The following TAFA2 variants were observed in gnomAD, a reference collection of about 807,000 sequenced individuals.
TAFA2 encodes TAFA chemokine like family member 2, also known as chemokine-like protein TAFA-2.
A neutral mutation model predicts 18.8 loss-of-function variants in TAFA2; 7 were observed. That is an observed-to-expected ratio of 0.37 (90% CI 0.21 to 0.70). TAFA2 has a LOEUF of 0.70. Ranked by LOEUF, TAFA2 falls within the 30% of genes least tolerant of loss-of-function variation. The pLI is 0.53. For synonymous variants in TAFA2, 60 were observed against 54.2 expected (o/e 1.11, Z -0.47); for missense variants, 122 against 158.1 (o/e 0.77, Z 1.23).
intron 1 of TAFA2, among the ~76,000 whole-genome samples, chr12:62,105,893 C>G (rs1490764603): frequency 1.3e-5 from 2 of 152,136 alleles, no homozygotes; most frequent in East Asian, 3.9e-4. Flanking sequence ...AATCATCCAG[C>G]GTCTGCTGCC....
chr12:62,026,283 A>G (rs1353395800), intron 1 of TAFA2, among the ~76,000 whole-genome samples: 2 of 152,186 alleles, frequency 1.3e-5, no homozygotes, highest in African/African-American at 4.8e-5. Flanking sequence ...ATAGATATCC[A>G]GTCAGAGTCA....
chr12:61,715,053 A>C (rs985118744), intron 4 of TAFA2, among the ~76,000 whole-genome samples: 3 of 152,208 alleles, frequency 2.0e-5, no homozygotes, highest in Admixed American at 6.5e-5. Context: ...TAATCCAGAC[A>C]AAGTGCTTGT....
chr12:61,736,223 A>G (rs1434056584), intron 4 of TAFA2, among the ~76,000 whole-genome samples: 1 of 152,018 alleles, frequency 6.6e-6, no homozygotes, highest in East Asian at 1.9e-4. Context: ...CCAAGAGCCG[A>G]CTAATCTCTG....
At chr12:62,241,011 T>C (rs979057260) in intron 1 of TAFA2, among the ~76,000 whole-genome samples, 2 of 152,178 alleles carry the variant, frequency 1.3e-5, no homozygotes, top group African/African-American at 2.4e-5. Flanking sequence ...AGGAAACCAG[T>C]CCCTGGTGCC....
At chr12:61,764,332 A>G (rs1592373830) in intron 2 of TAFA2, among the ~76,000 whole-genome samples, 1 of 152,218 alleles carries the variant, frequency 6.6e-6, no homozygotes, top group Non-Finnish European at 1.5e-5. Flanking sequence ...AAAGAAATAG[A>G]ACATCCCCAA....
intron 1 of TAFA2, among the ~76,000 whole-genome samples, chr12:62,032,907 G>A (rs1004132339): frequency 6.6e-6 from 1 of 152,134 alleles, no homozygotes; most frequent in African/African-American, 2.4e-5. Context: ...ACTCAGCAAT[G>A]CTTCACATTT....
At chr12:61,814,181 A>C (rs979149487) in intron 2 of TAFA2, among the ~76,000 whole-genome samples, 1 of 151,454 alleles carries the variant, frequency 6.6e-6, no homozygotes, top group East Asian at 1.9e-4. Context: ...AGAGGCAGCC[A>C]GCTGAGAAAT....
intron 1 of TAFA2, among the ~76,000 whole-genome samples, chr12:61,907,460 A>C (rs1261117583): frequency 6.6e-6 from 1 of 152,202 alleles, no homozygotes; most frequent in East Asian, 1.9e-4. Flanking sequence ...GAAGTTAAGA[A>C]TGAGGTTTGG....
chr12:61,732,280 G>GTA (rs1870488142), intron 4 of TAFA2, among the ~76,000 whole-genome samples: 1 of 152,084 alleles, frequency 6.6e-6, no homozygotes, highest in Non-Finnish European at 1.5e-5. Flanking sequence ...AGTGAAATAA[G>GTA]CAAGGAAGAA....
intron 1 of TAFA2, among the ~76,000 whole-genome samples, chr12:62,183,274 C>T (rs1015026885): frequency 1.3e-5 from 2 of 152,310 alleles, no homozygotes; most frequent in Non-Finnish European, 2.9e-5. Flanking sequence ...AGGAAGATGA[C>T]CTTCACCAGA....
chr12:61,813,947 C>T (rs1208871881), intron 2 of TAFA2, among the ~76,000 whole-genome samples: 2 of 151,390 alleles, frequency 1.3e-5, no homozygotes, highest in Non-Finnish European at 2.9e-5. Context: ...ATTTGCAATA[C>T]ACCAACAAAT....
chr12:62,015,062 A>G (rs1449456731), intron 1 of TAFA2, among the ~76,000 whole-genome samples: 1 of 152,230 alleles, frequency 6.6e-6, no homozygotes, highest in Non-Finnish European at 1.5e-5. Flanking sequence ...CTTCTCCCCT[A>G]TATGAGAAAA....
At chr12:61,723,496 T>C (rs1425305047) in intron 4 of TAFA2, among the ~76,000 whole-genome samples, 17 of 152,098 alleles carry the variant, frequency 1.1e-4, no homozygotes, top group Admixed American at 1.1e-3. Flanking sequence ...GGGGGGTGAT[T>C]AGGTGACCCA....
intron 1 of TAFA2, among the ~76,000 whole-genome samples, chr12:61,938,237 A>AG (rs1213095896): frequency 6.6e-6 from 1 of 151,572 alleles, no homozygotes; most frequent in Non-Finnish European, 1.5e-5. Flanking sequence ...TGGTAAAAAA[A>AG]AAAAAAAAAA....
chr12:61,922,022 A>C (rs1877074516), intron 1 of TAFA2, among the ~76,000 whole-genome samples: 1 of 152,228 alleles, frequency 6.6e-6, no homozygotes, highest in Non-Finnish European at 1.5e-5. Context: ...TGAATGTTCG[A>C]TTTAGCAATG....
At chr12:61,911,608 T>C (rs1197733889) in intron 1 of TAFA2, among the ~76,000 whole-genome samples, 1 of 152,176 alleles carries the variant, frequency 6.6e-6, no homozygotes, top group Non-Finnish European at 1.5e-5. Context: ...TTCTCATGCA[T>C]TTAATAAGCA....
intron 1 of TAFA2, among the ~76,000 whole-genome samples, chr12:62,256,552 G>C (rs1565789726): frequency 6.6e-6 from 1 of 152,096 alleles, no homozygotes; most frequent in African/African-American, 2.4e-5. Flanking sequence ...TTTATAATAA[G>C]AAAACGAATG....
At chr12:61,714,654 C>T (rs1013948730) in intron 4 of TAFA2, among the ~76,000 whole-genome samples, 1 of 152,104 alleles carries the variant, frequency 6.6e-6, no homozygotes, top group Admixed American at 6.5e-5. Context: ...TAGGTGAACT[C>T]AATTATTTAT....
intron 2 of TAFA2, among the ~76,000 whole-genome samples, chr12:61,782,616 T>C (rs1226151151): frequency 1.3e-5 from 2 of 151,764 alleles, no homozygotes; most frequent in Non-Finnish European, 1.5e-5. Context: ...TCATGAGCCA[T>C]TGTTCACTCA....
Sources: gnomAD v4.1 joint callset for allele counts (sites outside exome capture counted in the v4.1 genomes callset) on GRCh38, gnomAD v4.1.1 for gene constraint, MANE v1.5 for transcripts, NCBI Gene and HGNC (gene_info 2026-07-23, HGNC 2026-07-21) for gene names.